The following FRAS1 variants were observed in gnomAD, a reference collection of about 807,000 sequenced individuals.
The protein encoded by FRAS1 is extracellular matrix organizing protein FRAS1.
A neutral mutation model predicts 435.2 loss-of-function variants in FRAS1; 290 were observed. That is an observed-to-expected ratio of 0.67 (90% CI 0.61 to 0.73). FRAS1 has a LOEUF of 0.73. FRAS1 is among the 30% of genes least tolerant of loss of function. The pLI is 0.00. For synonymous variants in FRAS1, 1,800 were observed against 1,851.0 expected, an observed-to-expected ratio of 0.97 and a Z score of 0.71; for missense variants, 4,860 against 5,001.5, an observed-to-expected ratio of 0.97 and a Z score of 0.85.
intron 9 of FRAS1, among the ~76,000 whole-genome samples, chr4:78,271,762 C>T (rs1726707045): frequency 6.6e-6 from 1 of 152,146 alleles, no homozygotes; most frequent in Admixed American, 6.5e-5. Context: ...GTGAATAGTG[C>T]CGCAATAAAC....
At chr4:78,483,798 A>AT (rs1491045148) in intron 58 of FRAS1, among the ~76,000 whole-genome samples, 9,191 of 67,912 alleles carry the variant, frequency 0.14, 1,240 homozygotes, top group South Asian at 0.2. Flanking sequence ...ATATATATAT[A>AT]AAATTATGTA....
At chr4:78,446,982 G>T in intron 43 of FRAS1, 102 bp downstream of exon 43, 2 of 1,138,672 alleles carry the variant, frequency 1.8e-6, no homozygotes, top group Non-Finnish European at 1.2e-6. Flanking sequence ...TCTTGTATAT[G>T]GTACATTCTT....
In FRAS1 at chr4:78,497,053, C is replaced by T. The variant is rs60354705; in HGVS notation, c.9115+92C>T. 5.3e-3 allele frequency: 5,352 copies of T among 1,009,008 alleles called. 174 individuals carry two copies. In the African/African-American group the frequency reaches 0.077, roughly 14 times the overall value. The allele number at this position is 1,009,008 out of a possible 1,614,324, so 62.5% of individuals were successfully genotyped here. On this transcript the variant is annotated intron_variant, in intron 60 of 73. Coordinates refer to ENST00000512123, the MANE Select transcript of FRAS1 (RefSeq NM_025074.7). ...ATTAGTGTTTTGAAAAATAAAAGTGCTTTAAGAATGCCTACTGATAACATT... is the reference window on the plus strand; with the variant it reads ...ATTAGTGTTTTGAAAAATAAAAGTGTTTTAAGAATGCCTACTGATAACATT...
At chr4:78,513,677 T>C in intron 65 of FRAS1, 125 bp downstream of exon 65, 1 of 860,852 alleles carries the variant, frequency 1.2e-6, no homozygotes, top group South Asian at 1.6e-5. Context: ...ATTAGTGGTT[T>C]TCCTTCTAGC....
intron 2 of FRAS1, among the ~76,000 whole-genome samples, chr4:78,230,127 G>T (rs1448909782): frequency 6.6e-6 from 1 of 152,142 alleles, no homozygotes; most frequent in Admixed American, 6.5e-5. Flanking sequence ...ATGTCTTCAG[G>T]TTTATCATTT....
At chr4:78,500,087 G>T (rs959122314) in intron 61 of FRAS1, among the ~76,000 whole-genome samples, 166 bp downstream of exon 61, 1 of 152,072 alleles carries the variant, frequency 6.6e-6, no homozygotes, top group Non-Finnish European at 1.5e-5. Context: ...TTTCTAATTC[G>T]TAAAAATGAC....
intron 2 of FRAS1, among the ~76,000 whole-genome samples, chr4:78,155,610 C>A (rs1034416954): frequency 1.3e-5 from 2 of 152,278 alleles, no homozygotes; most frequent in Middle Eastern, 6.8e-3. Context: ...ATTCTAGGAG[C>A]TTATTTATAA....
chr4:78,254,915 C>A (rs149244381), intron 5 of FRAS1, among the ~76,000 whole-genome samples: 22 of 152,040 alleles, frequency 1.4e-4, no homozygotes, highest in African/African-American at 4.8e-4. Flanking sequence ...GTGCATAGGG[C>A]GCATGCAACC....
At chr4:78,322,980 T>C (rs1729567284) in intron 18 of FRAS1, among the ~76,000 whole-genome samples, 1 of 152,232 alleles carries the variant, frequency 6.6e-6, no homozygotes. Flanking sequence ...AACCCATGGA[T>C]GCTGGTCTGT....
chr4:78,071,660 T>C (rs1188469530), intron 2 of FRAS1: 1 of 152,228 alleles, frequency 6.6e-6, no homozygotes, highest in Non-Finnish European at 1.5e-5. Context: ...GAGCCACATG[T>C]GGTTATTGAG....
intron 14 of FRAS1, among the ~76,000 whole-genome samples, chr4:78,287,908 CAGAA>C (rs1727687612): frequency 6.6e-6 from 1 of 152,118 alleles, no homozygotes; most frequent in African/African-American, 2.4e-5. Context: ...ATATGGAAGG[CAGAA>C]TAGCTTCCGA....
Position 78,424,343 on chromosome 4 carries a change from A to T in FRAS1, c.4679-45A>T, listed in dbSNP as rs371239932. 568 of 1,133,002 alleles carry T rather than the reference A, an allele frequency of 5.0e-4. 3 individuals are homozygous for T. In the South Asian group the frequency reaches 5.2e-3, roughly 10 times the overall value. 70.2% of individuals were successfully genotyped at this position (1,133,002 alleles called of 1,614,324 possible). ...TTTGTACCTTTCCTATCTCTCTCTG[A>T]TCCCAAAGTGTTTAATATACTGATT... On this transcript the variant is annotated intron_variant, in intron 34 of 73. Coordinates refer to ENST00000512123, the MANE Select transcript of FRAS1 (RefSeq NM_025074.7).
intron 32 of FRAS1, among the ~76,000 whole-genome samples, chr4:78,414,489 C>T (rs1372042244): frequency 2.6e-5 from 4 of 152,122 alleles, no homozygotes; most frequent in Non-Finnish European, 4.4e-5. Context: ...TCTACTCGTA[C>T]GTTACTTAAA....
intron 20 of FRAS1, among the ~76,000 whole-genome samples, chr4:78,339,328 A>G (rs1230922617): frequency 6.6e-6 from 1 of 152,242 alleles, no homozygotes; most frequent in Non-Finnish European, 1.5e-5. Context: ...CTGAGAACTC[A>G]CTGAGCACAA....
At position 78,482,371 on chromosome 4, in the gene FRAS1, T is replaced by G; in HGVS notation, c.8605-17T>G. 6.2e-7 allele frequency: 1 copy of G among 1,613,800 alleles called. No individual in the cohort carries two copies. The highest frequency in any genetic ancestry group is 8.5e-7 in the Non-Finnish European group (1 of 1,179,774). ...ATGGTGGGTCCTCTGTCAAGTTTGCTTTGGTTTCTCTTCTAGTATTGCACC... is the reference window on the plus strand; with the variant it reads ...ATGGTGGGTCCTCTGTCAAGTTTGCGTTGGTTTCTCTTCTAGTATTGCACC... On this transcript the variant is annotated splice_polypyrimidine_tract_variant and intron_variant, in intron 57 of 73. Coordinates refer to ENST00000512123, the MANE Select transcript of FRAS1 (RefSeq NM_025074.7).
chr4:78,495,299 C>CTTAG (rs10650593), intron 59 of FRAS1, among the ~76,000 whole-genome samples: 113,809 of 151,590 alleles, frequency 0.75, 43,747 homozygotes, highest in East Asian at 1. Flanking sequence ...GTATGGTGTT[C>CTTAG]TTGATCAGAA....
At chr4:78,169,399 A>C (rs1006750418) in intron 2 of FRAS1, among the ~76,000 whole-genome samples, 6 of 151,974 alleles carry the variant, frequency 3.9e-5, no homozygotes, top group African/African-American at 1.4e-4. Flanking sequence ...TGGAGTTTGA[A>C]TCTCGACTCT....
At chr4:78,398,122 A>T (rs1732746984) in intron 29 of FRAS1, among the ~76,000 whole-genome samples, 1 of 152,080 alleles carries the variant, frequency 6.6e-6, no homozygotes, top group Non-Finnish European at 1.5e-5. Flanking sequence ...ATGTCCAAGA[A>T]TTATACTTCT....
At chr4:78,405,004 C>T (rs1455897754) in intron 30 of FRAS1, among the ~76,000 whole-genome samples, 3 of 152,142 alleles carry the variant, frequency 2.0e-5, no homozygotes, top group Admixed American at 2.0e-4. Context: ...CTGCATGTGG[C>T]CTAGCTTTGA....
Sources: allele counts gnomAD v4.1 joint callset (sites outside exome capture counted in the v4.1 genomes callset), GRCh38; gene constraint gnomAD v4.1.1; transcripts MANE v1.5; gene names NCBI Gene and HGNC (gene_info 2026-07-23, HGNC 2026-07-21).